The following IQCF3 variants were observed in gnomAD, a reference collection of about 807,000 sequenced individuals.
IQCF3 encodes the protein IQ domain-containing protein F3.
Under a neutral mutation model 5.1 loss-of-function variants are expected in IQCF3, and 7 were observed. The observed-to-expected ratio is 1.36, with a 90% CI of 0.78 to 2.56. The LOEUF (loss-of-function observed/expected upper bound fraction) is 2.56, where lower values mean the gene tolerates loss of function less well. Ranked by LOEUF, IQCF3 falls within the 30% of genes most tolerant of loss-of-function variation. IQCF3 has a pLI of 0.00. For synonymous variants in IQCF3, 82 were observed against 72.8 expected, an observed-to-expected ratio of 1.13 and a Z score of -0.64; for missense variants, 189 against 196.5, an observed-to-expected ratio of 0.96 and a Z score of 0.23.
chr3:51,830,357 T>C lies in IQCF3; in HGVS notation c.67-46T>C. 2.6e-6 allele frequency: 4 copies of C among 1,514,352 alleles called. No homozygotes were observed. Among genetic ancestry groups the C allele is most frequent in the Non-Finnish European group, 3.5e-6 (4 of 1,132,898 alleles). The allele number at this position is 1,514,352 out of a possible 1,614,324, so 93.8% of individuals were successfully genotyped here. A position where few individuals can be genotyped will look rare whatever the true frequency, so the allele number is the denominator to read the frequency against. ...TGATTCTTTAGAGAACCACCTGTGC[T>C]TGATGGTGATAAATTCACTGGGAGT... is the stretch of plus-strand genomic sequence containing the variant. On this transcript the variant is annotated intron_variant, in intron 2 of 2. Coordinates refer to ENST00000440739, the MANE Select transcript of IQCF3 (RefSeq NM_001393887.1). The surrounding 1 kb of genome is among the most constrained non-coding windows in gnomAD (Gnocchi z 4.1).
Position 51,830,579 on chromosome 3 carries a change from C to T in IQCF3, c.243C>T (p.Ala81=). The T allele has an allele frequency of 5.0e-6, 8 of 1,613,872 alleles. No homozygotes were observed. Among genetic ancestry groups the T allele is most frequent in the Non-Finnish European group, 5.9e-6 (7 of 1,179,814 alleles). The change falls in exon 3 of 3, where the codon GCC becomes GCT. Residue 81 remains alanine (A), a synonymous_variant. Coordinates refer to ENST00000440739, the MANE Select transcript of IQCF3 (RefSeq NM_001393887.1). The surrounding 1 kb of genome is among the most constrained non-coding windows in gnomAD (Gnocchi z 4.1). ...GACGGATCCGTCAGCGGCGGCAGGC[C>T]CTGTTGAGGGTCTACGTCATCCAGG... is the stretch of plus-strand genomic sequence containing the variant. ...VQRRIRQRRQ[A]LLRVYVIQEQ...
chr3:51,827,580 ATAAT>A (rs1698305101), upstream of IQCF3, among the ~76,000 whole-genome samples: 1 of 151,992 alleles, frequency 6.6e-6, no homozygotes, highest in Non-Finnish European at 1.5e-5. Context: ...CATAATTTTT[ATAAT>A]TAATTTATCA....
chr3:51,830,637 C>T lies in IQCF3; in HGVS notation c.301C>T (p.Arg101Cys), dbSNP rs762423709. The T allele has an allele frequency of 2.5e-5, 40 of 1,613,880 alleles. No homozygotes were observed. Among genetic ancestry groups the T allele is most frequent in the Admixed American group, 1.3e-4 (8 of 60,004 alleles). The change falls in exon 3 of 3, where the codon CGC becomes TGC. Residue 101 changes from arginine (R) to cysteine (C), a missense_variant. Coordinates refer to ENST00000440739, the MANE Select transcript of IQCF3 (RefSeq NM_001393887.1). This position sits in a 1 kb window ranked among gnomAD's most constrained non-coding sequence, Gnocchi z 4.1. Reference sequence around the variant, plus strand: ...GACGGTCAAGCTCCAGTCCTGCATCCGCATGTGGCAGTGCCGGCAATGTTA... The same window carrying T: ...GACGGTCAAGCTCCAGTCCTGCATCTGCATGTGGCAGTGCCGGCAATGTTA... ...QATVKLQSCI[R>C]MWQCRQCYRQ...
chr3:51,827,455 C>T (rs1273721127), upstream of IQCF3: 20 of 151,948 alleles, frequency 1.3e-4, no homozygotes, highest in Non-Finnish European at 2.4e-4. Flanking sequence ...ATGGGAGATT[C>T]TTTTGGGAGA....
chr3:51,829,322 C>A, upstream of IQCF3: 1 of 756,572 alleles, frequency 1.3e-6, no homozygotes, highest in Non-Finnish European at 2.3e-6. Context: ...TTCTCTTTAT[C>A]CATCAACTTT....
Position 51,830,441 on chromosome 3 carries a change from G to T in IQCF3, c.105G>T (p.Lys35Asn). ...LAQLHHRKRV[K>N]AAGQIQAWWR... ...AACTGCATCACAGAAAAAGGGTGAAGGCAGCTGGGCAGATCCAGGCCTGGT... is the reference window on the plus strand; with the variant it reads ...AACTGCATCACAGAAAAAGGGTGAATGCAGCTGGGCAGATCCAGGCCTGGT... The change falls in exon 3 of 3, where the codon AAG becomes AAT. Residue 35 changes from lysine to asparagine, a missense_variant. Physicochemically the swap from Lys to Asn is moderately conservative, Grantham distance 94. Coordinates refer to ENST00000440739, the MANE Select transcript of IQCF3 (RefSeq NM_001393887.1). This position sits in a 1 kb window ranked among gnomAD's most constrained non-coding sequence, Gnocchi z 4.1. 1 of 1,570,772 alleles carries T rather than the reference G, an allele frequency of 6.4e-7. No individual in the cohort carries two copies. The highest frequency in any genetic ancestry group is 1.2e-5 in the South Asian group (1 of 83,834).
In IQCF3 at chr3:51,830,705, G is replaced by A. The variant is rs200343382; in HGVS notation, c.369G>A (p.Glu123=). The change falls in exon 3 of 3, where the codon GAG becomes GAA. Residue 123 remains glutamate, a synonymous_variant. Transcript: ENST00000440739. This position sits in a 1 kb window ranked among gnomAD's most constrained non-coding sequence, Gnocchi z 4.1. Reference sequence around the variant, plus strand: ...CTCTCTGCTTGTTCCAGGTCCCAGAGAGCAGCCTTGCCTTCCAGACTGATG... The same window carrying A: ...CTCTCTGCTTGTTCCAGGTCCCAGAAAGCAGCCTTGCCTTCCAGACTGATG... ...CNALCLFQVP[E]SSLAFQTDGF... is the part of the protein sequence containing the mutation. The A allele has an allele frequency of 1.9e-6, 3 of 1,613,974 alleles. No homozygotes were observed. The highest frequency in any genetic ancestry group is 1.6e-4 in the Middle Eastern group (1 of 6,062).
Position 51,830,001 on chromosome 3 carries a change from G to T in IQCF3, c.66+289G>T. The T allele has an allele frequency of 4.1e-6, 2 of 493,460 alleles. No individual in the cohort carries two copies. The highest frequency in any genetic ancestry group is 5.7e-5 in the South Asian group (2 of 35,070). 30.6% of individuals were successfully genotyped at this position (493,460 alleles called of 1,614,324 possible). A position where few individuals can be genotyped will look rare whatever the true frequency, so the allele number is the denominator to read the frequency against. ...AGTCCACAAAAGTGAGATGAGGGGA[G>T]ACCCCAAAGGGCTGCAGCACCACGC... On this transcript the variant is annotated intron_variant, in intron 2 of 2. Transcript: ENST00000440739. This position sits in a 1 kb window ranked among gnomAD's most constrained non-coding sequence, Gnocchi z 4.1.
intron 1 of IQCF3, 56 bp from the exon 2 acceptor site, chr3:51,829,609 T>G: frequency 1.2e-6 from 2 of 1,605,960 alleles, no homozygotes; most frequent in Non-Finnish European, 1.7e-6. Context: ...CTGTGGGGAC[T>G]TTGCAGTCAG....
upstream of IQCF3, among the ~76,000 whole-genome samples, chr3:51,829,043 A>C (rs1361037717): frequency 6.6e-6 from 1 of 152,202 alleles, no homozygotes; most frequent in Non-Finnish European, 1.5e-5. Flanking sequence ...ATTTACATTA[A>C]ATGTTAAAAC....
Position 51,830,380 on chromosome 3 carries a change from A to G in IQCF3, c.67-23A>G, listed in dbSNP as rs780464380. ...GCTTGATGGTGATAAATTCACTGGGAGTCCTCTGCTTTGCTTGGCCAGTTG... is the reference window on the plus strand; with the variant it reads ...GCTTGATGGTGATAAATTCACTGGGGGTCCTCTGCTTTGCTTGGCCAGTTG... On this transcript the variant is annotated intron_variant, in intron 2 of 2. Transcript: ENST00000440739. The surrounding 1 kb of genome is among the most constrained non-coding windows in gnomAD (Gnocchi z 4.1). 5.1e-5 allele frequency: 77 copies of G among 1,518,330 alleles called. No homozygotes were observed. Among genetic ancestry groups the G allele is most frequent in the Admixed American group, 2.4e-4 (11 of 44,936 alleles). The allele number at this position is 1,518,330 out of a possible 1,614,324, so 94.1% of individuals were successfully genotyped here.
At chr3:51,828,208 G>A (rs1300885892), upstream of IQCF3, 1 of 151,948 alleles carries the variant, frequency 6.6e-6, no homozygotes, top group South Asian at 2.1e-4. Context: ...CCAATACCAT[G>A]TTGAATAGGA....
chr3:51,829,593 C>T (rs535839358), intron 1 of IQCF3, 72 bp from the exon 2 acceptor site: 3 of 1,597,176 alleles, frequency 1.9e-6, no homozygotes, highest in African/African-American at 1.3e-5. Flanking sequence ...GAATGGGGAA[C>T]TGGGCCTGTG....
At position 51,829,510 on chromosome 3, in the gene IQCF3, C is replaced by A; in HGVS notation, c.18+17C>A. 6.3e-7 allele frequency: 1 copy of A among 1,597,028 alleles called. No homozygotes were observed. The highest frequency in any genetic ancestry group is 8.5e-7 in the Non-Finnish European group (1 of 1,171,772). The stretch of plus-strand genomic sequence containing the variant: ...AAATGCTGTGTAAGACTCAGGCACA[C>A]AAACTCCCCCAGGGGTGGGAGTTGT... On this transcript the variant is annotated intron_variant, in intron 1 of 2. Coordinates refer to ENST00000440739, the MANE Select transcript of IQCF3 (RefSeq NM_001393887.1).
upstream of IQCF3, chr3:51,828,050 T>C (rs994728550): frequency 6.6e-6 from 1 of 152,350 alleles, no homozygotes; most frequent in Non-Finnish European, 1.5e-5. Context: ...TTTAAAGGTA[T>C]TTCTTTATAG....
At chr3:51,826,889 T>G (rs1329640054), upstream of IQCF3, 1 of 152,656 alleles carries the variant, frequency 6.6e-6, no homozygotes, top group Non-Finnish European at 1.5e-5. Context: ...AGAGTGGCTC[T>G]GCATCCCCAG....
upstream of IQCF3, chr3:51,829,211 G>A (rs1698329263): frequency 5.7e-6 from 3 of 523,314 alleles, no homozygotes; most frequent in South Asian, 7.1e-5. Flanking sequence ...AGGCAACCAT[G>A]AAAAAAGTTA....
At chr3:51,829,738 G>T in intron 2 of IQCF3, 26 bp downstream of exon 2, 3 of 1,589,604 alleles carry the variant, frequency 1.9e-6, no homozygotes, top group East Asian at 4.5e-5. Context: ...GAGGGTGAGA[G>T]AATTGCAGAT....
chr3:51,830,827 T>C lies in IQCF3; in HGVS notation c.*26T>C, dbSNP rs1181794693. 1.3e-6 allele frequency: 2 copies of C among 1,532,046 alleles called. No individual in the cohort carries two copies. The highest frequency in any genetic ancestry group is 2.3e-5 in the East Asian group (1 of 44,142). The allele number at this position is 1,532,046 out of a possible 1,614,324, so 94.9% of individuals were successfully genotyped here. On this transcript the variant is annotated 3_prime_UTR_variant, in exon 3 of 3. Transcript: ENST00000440739. This position sits in a 1 kb window ranked among gnomAD's most constrained non-coding sequence, Gnocchi z 4.1. ...AAGGCCTGGGGCATGGAGAACAGGCTGCACTACCCTAATAAATGTCTGACC... is the reference window on the plus strand; with the variant it reads ...AAGGCCTGGGGCATGGAGAACAGGCCGCACTACCCTAATAAATGTCTGACC...
Sources: gnomAD v4.1 joint callset for allele counts (sites outside exome capture counted in the v4.1 genomes callset) on GRCh38, gnomAD v4.1.1 for gene constraint, Gnocchi (gnomAD v3.1) non-coding constraint, MANE v1.5 for transcripts, NCBI Gene and HGNC (gene_info 2026-07-23, HGNC 2026-07-21) for gene names.